The following ARMCX4 variants were observed in gnomAD, a reference collection of about 807,000 sequenced individuals.
ARMCX4 encodes the protein armadillo repeat containing X-linked 4, also known as armadillo repeat-containing X-linked protein 4.
A neutral mutation model predicts 34.7 loss-of-function variants in ARMCX4; 3 were observed. The ratio of observed to expected loss-of-function variants is 0.09; its 90% confidence interval spans 0.04 to 0.22. The LOEUF (loss-of-function observed/expected upper bound fraction) is 0.22, where lower values mean the gene tolerates loss of function less well. ARMCX4 is among the 10% of genes least tolerant of loss of function. The pLI, the probability that ARMCX4 is intolerant of heterozygous loss-of-function variation, is 1.00. For missense variants in ARMCX4, 1,448 were observed against 1,720.8 expected (o/e 0.84, Z 2.81); for synonymous variants, 513 against 632.8 (o/e 0.81, Z 2.84).
intron 2 of ARMCX4, among the ~76,000 whole-genome samples, chrX:101,425,605 G>C (rs1929561465): frequency 9.1e-6 from 1 of 109,931 alleles, no homozygotes; most frequent in Admixed American, 9.8e-5. Flanking sequence ...ATGTTAGCCA[G>C]GCTGGTCTTG....
chrX:101,428,477 A>G (rs1336460925), intron 2 of ARMCX4, among the ~76,000 whole-genome samples: 1 of 112,478 alleles, frequency 8.9e-6, no homozygotes, highest in Non-Finnish European at 1.9e-5. Flanking sequence ...CAATTTCATT[A>G]AGCTGTGCAT....
At chrX:101,504,162 C>G (rs1160904035) in intron 7 of ARMCX4, among the ~76,000 whole-genome samples, 17 of 111,464 alleles carry the variant, frequency 1.5e-4, no homozygotes, top group Non-Finnish European at 3.0e-4. Flanking sequence ...GTTTTGGTAC[C>G]AGTACCATGC....
intron 4 of ARMCX4, among the ~76,000 whole-genome samples, chrX:101,477,697 T>G (rs2147641884): frequency 9.1e-6 from 1 of 109,905 alleles, no homozygotes; most frequent in South Asian, 3.8e-4. Context: ...TGAAAAAGGA[T>G]GGTACACAGA....
At chrX:101,496,372 T>C (rs1384465332), downstream of ARMCX4, among the ~76,000 whole-genome samples, 11 of 110,252 alleles carry the variant, frequency 1.0e-4, no homozygotes, top group Admixed American at 1.1e-3. Context: ...AACAGGAAGC[T>C]ACCACAAGTT....
intron 2 of ARMCX4, among the ~76,000 whole-genome samples, chrX:101,434,484 G>A (rs1325715497): frequency 2.7e-5 from 3 of 110,187 alleles, no homozygotes; most frequent in African/African-American, 9.9e-5. Flanking sequence ...CTGACCTCGT[G>A]ATCCGCCTGC....
At chrX:101,423,168 C>G (rs1011539678) in intron 2 of ARMCX4, among the ~76,000 whole-genome samples, 1 of 109,883 alleles carries the variant, frequency 9.1e-6, no homozygotes, top group Non-Finnish European at 1.9e-5. Flanking sequence ...CCTCGGCCCC[C>G]CAAAGTGCTG....
At position 101,440,827 on chromosome X, in the gene ARMCX4, G is replaced by A. The variant is rs996137192; in HGVS notation, n.165-3225G>A. Among the ~76,000 whole-genome samples, 8 of 111,620 alleles carry A rather than the reference G, an allele frequency of 7.2e-5. No homozygotes were observed. The East Asian group carries it at 8.5e-4, about 12-fold the overall frequency. On this transcript the variant is annotated intron_variant and non_coding_transcript_variant, in intron 2 of 3. Coordinates refer to the ARMCX4 transcript ENST00000430461. ...CATTTGCTAAGACCGTTGGAAAAGC[G>A]TAGTATTATGGTGGGAGTGACCCGA...
In ARMCX4 at chrX:101,491,577, C is replaced by G; in HGVS notation, c.2988C>G (p.Ser996=). The change falls in exon 6 of 6, where the codon TCC becomes TCG. Residue 996 remains serine, a synonymous_variant. Transcript: ENST00000423738. ...CCCAGCCCCAAGCTGTCGCTAATTC[C>G]CAGAGTGAGACCTTGCTTGGTGCCA... The part of the protein sequence containing the change: ...GSAQPQAVAN[S]QSETLLGARN... 1 of 1,156,507 alleles carries G rather than the reference C, an allele frequency of 8.6e-7. No homozygotes were observed. The highest frequency in any genetic ancestry group is 1.1e-6 in the Non-Finnish European group (1 of 873,080).
chrX:101,434,742 T>G (rs1428390969), intron 2 of ARMCX4, among the ~76,000 whole-genome samples: 1 of 108,777 alleles, frequency 9.2e-6, no homozygotes, highest in African/African-American at 3.4e-5. Context: ...ACCCATTAAC[T>G]CATCATTTAA....
At chrX:101,423,656 T>C (rs1473725987) in intron 2 of ARMCX4, among the ~76,000 whole-genome samples, 3 of 110,027 alleles carry the variant, frequency 2.7e-5, no homozygotes, top group African/African-American at 9.9e-5. Flanking sequence ...AAAAGTATCT[T>C]TTGCATGCTA....
chrX:101,515,343 TTTTCTTTC>T (rs782364891), intron 11 of ARMCX4, among the ~76,000 whole-genome samples: 1 of 16,994 alleles, frequency 5.9e-5, no homozygotes, highest in Non-Finnish European at 1.1e-4. Flanking sequence ...TTTCCTTTCC[TTTTCTTTC>T]TTTCTTTCTT....
chrX:101,492,119 T>C lies in ARMCX4; in HGVS notation c.3530T>C (p.Ile1177Thr), dbSNP rs782638857. 1.4e-5 allele frequency: 16 copies of C among 1,147,554 alleles called. No individual in the cohort carries two copies. The East Asian group carries it at 3.0e-4, about 21-fold the overall frequency. The allele number at this position is 1,147,554 out of a possible 1,213,427, so 94.6% of individuals were successfully genotyped here. ...GCCAGGGCTGAGAATGTGGTTGGTA[T>C]TGGGACTTGGGCTAGAGCTGGGGAG... Reference protein sequence around the residue: ...AGARAENVVGIGTWARAGEQA... With the variant: ...AGARAENVVGTGTWARAGEQA... Residue 1177 changes from isoleucine (I) to threonine (T), a missense_variant, in exon 6 of 6, where the codon ATT becomes ACT. This residue lies in a region of ARMCX4 where 1,343 missense variants were observed against 1,540.7 expected (regional missense o/e 0.87). Coordinates refer to ENST00000423738, the MANE Select transcript of ARMCX4 (RefSeq NM_001256155.3).
intron 2 of ARMCX4, among the ~76,000 whole-genome samples, chrX:101,433,089 T>TGTGTATACATACACATATGTATACATAC (rs1930338177): frequency 4.9e-5 from 2 of 40,937 alleles, no homozygotes; most frequent in Non-Finnish European, 6.7e-5. Flanking sequence ...TGTATACATA[T>TGTGTATACATACACATATGTATACATAC]ATGTGTATAC....
chrX:101,490,729 G>T lies in ARMCX4; in HGVS notation c.2140G>T (p.Ala714Ser), dbSNP rs1933939332. 1 of 1,152,915 alleles carries T rather than the reference G, an allele frequency of 8.7e-7. No individual in the cohort carries two copies. Among genetic ancestry groups the T allele is most frequent in the South Asian group, 1.9e-5 (1 of 52,463 alleles). Reference protein sequence around the residue: ...TTGSVQPQIVANSQGEVLPGA... With the variant: ...TTGSVQPQIVSNSQGEVLPGA... The stretch of plus-strand genomic sequence containing the variant: ...AGGCTCTGTCCAGCCCCAGATTGTG[G>T]CCAATTCCCAGGGTGAGGTCTTGCC... Residue 714 changes from alanine (A) to serine (S), a missense_variant, in exon 6 of 6, where the codon GCC becomes TCC. Physicochemically the swap from Ala to Ser is moderately conservative, Grantham distance 99. Coordinates refer to ENST00000423738, the MANE Select transcript of ARMCX4 (RefSeq NM_001256155.3).
At chrX:101,445,136 C>G (rs782008734) in intron 3 of ARMCX4, among the ~76,000 whole-genome samples, 1 of 112,279 alleles carries the variant, frequency 8.9e-6, no homozygotes, top group South Asian at 3.7e-4. Context: ...AGGAAGGACA[C>G]AAAAGATAAC....
At chrX:101,448,884 G>A (rs1257101305), downstream of ARMCX4, among the ~76,000 whole-genome samples, 4 of 99,831 alleles carry the variant, frequency 4.0e-5, no homozygotes, top group Non-Finnish European at 8.1e-5. Context: ...GAGAGCCACC[G>A]CGCCTGGCCG....
At chrX:101,442,016 G>A (rs1217526736) in intron 2 of ARMCX4, among the ~76,000 whole-genome samples, 1 of 111,910 alleles carries the variant, frequency 8.9e-6, no homozygotes, top group Non-Finnish European at 1.9e-5. Flanking sequence ...CATGGATTCC[G>A]TTATCCACCC....
At chrX:101,453,578 C>T (rs782813841) in intron 4 of ARMCX4, among the ~76,000 whole-genome samples, 3 of 111,192 alleles carry the variant, frequency 2.7e-5, no homozygotes, top group Non-Finnish European at 3.8e-5. Context: ...TTGAAATTCC[C>T]GGGGTACTTC....
intron 8 of ARMCX4, among the ~76,000 whole-genome samples, chrX:101,508,573 C>T (rs1290427535): frequency 9.0e-6 from 1 of 111,313 alleles, no homozygotes; most frequent in African/African-American, 3.3e-5. Context: ...AAGGCTCTAT[C>T]TCTGAGTACA....
Sources: allele counts gnomAD v4.1 joint callset (sites outside exome capture counted in the v4.1 genomes callset), GRCh38; gene constraint gnomAD v4.1.1; regional missense constraint gnomAD v4.1.1; transcripts MANE v1.5; gene names NCBI Gene and HGNC (gene_info 2026-07-23, HGNC 2026-07-21).